The following CNTN4 variants were observed in gnomAD, a reference collection of about 807,000 sequenced individuals.
CNTN4 encodes contactin 4, also known as contactin-4.
In CNTN4, 77 loss-of-function variants were observed where a neutral mutation model predicts 122.5. The ratio of observed to expected loss-of-function variants is 0.63; its 90% CI spans 0.52 to 0.76. CNTN4 has a LOEUF of 0.76. Ranked by LOEUF, CNTN4 falls within the 30% of genes least tolerant of loss-of-function variation. The pLI, the probability that CNTN4 is intolerant of heterozygous loss-of-function variation, is 0.00. For synonymous variants in CNTN4, 512 were observed against 447.0 expected, an observed-to-expected ratio of 1.15 and a Z score of -1.83; for missense variants, 1,256 against 1,259.1, an observed-to-expected ratio of 1.00 and a Z score of 0.04.
At chr3:2,327,870 T>C (rs1447008618) in intron 2 of CNTN4, among the ~76,000 whole-genome samples, 1 of 152,160 alleles carries the variant, frequency 6.6e-6, no homozygotes, top group Non-Finnish European at 1.5e-5. Flanking sequence ...AAACATGGCA[T>C]CTTAGCATTT....
At chr3:2,115,825 A>C (rs140414398) in intron 2 of CNTN4, among the ~76,000 whole-genome samples, 2,474 of 152,340 alleles carry the variant, frequency 0.016, 35 homozygotes, top group Admixed American at 0.028. Flanking sequence ...CATAAGATCA[A>C]CACCTAAAAA....
chr3:2,172,033 G>A (rs560401008), intron 2 of CNTN4, among the ~76,000 whole-genome samples: 1 of 152,306 alleles, frequency 6.6e-6, no homozygotes, highest in South Asian at 2.1e-4. Flanking sequence ...TGATGGATCC[G>A]AATGTTTGAG....
chr3:2,891,664 C>T (rs1030476139), intron 10 of CNTN4, among the ~76,000 whole-genome samples: 5 of 152,228 alleles, frequency 3.3e-5, no homozygotes, highest in Admixed American at 3.3e-4. Context: ...ACTTGACTTT[C>T]TTGATATGCA....
intron 2 of CNTN4, chr3:2,110,709 G>C (rs986548017): frequency 6.7e-6 from 1 of 148,150 alleles, no homozygotes; most frequent in Non-Finnish European, 1.5e-5. Flanking sequence ...CTGTGAAGGG[G>C]CCTGTTTCTC....
chr3:2,359,791 G>A (rs780689619), intron 3 of CNTN4, among the ~76,000 whole-genome samples: 5 of 152,076 alleles, frequency 3.3e-5, no homozygotes, highest in Non-Finnish European at 7.4e-5. Flanking sequence ...CACCCGCCTC[G>A]GCCTCCCAAA....
intron 4 of CNTN4, among the ~76,000 whole-genome samples, chr3:2,581,492 G>A (rs1477342590): frequency 6.6e-6 from 1 of 152,126 alleles, no homozygotes; most frequent in African/African-American, 2.4e-5. Context: ...CATAAACAAA[G>A]CTGGACTCTA....
intron 6 of CNTN4, among the ~76,000 whole-genome samples, chr3:2,804,737 C>CTTTAGTTTTTTTGTTTTTT (rs1553643947): frequency 2.1e-5 from 3 of 144,880 alleles, no homozygotes; most frequent in Non-Finnish European, 3.0e-5. Context: ...ATTTTGAGCA[C>CTTTAGTTTTTTTGTTTTTT]TTTTTTTTTG....
chr3:2,882,952 A>G (rs1043799487), intron 8 of CNTN4, 193 bp from the exon 9 acceptor site: 14 of 537,244 alleles, frequency 2.6e-5, no homozygotes, highest in Admixed American at 8.2e-5. Context: ...TCTGCGACAC[A>G]AATTTTTCTG....
At chr3:2,882,347 CAG>C (rs1342640188) in intron 8 of CNTN4, among the ~76,000 whole-genome samples, 1 of 148,890 alleles carries the variant, frequency 6.7e-6, no homozygotes, top group African/African-American at 2.5e-5. Context: ...GCCTGGGTGA[CAG>C]AGCGAGACTT....
chr3:2,418,062 A>G (rs888294147), intron 3 of CNTN4, among the ~76,000 whole-genome samples: 3 of 152,220 alleles, frequency 2.0e-5, no homozygotes, highest in African/African-American at 7.2e-5. Context: ...TGATAGATAC[A>G]GATACATGTT....
chr3:2,713,826 C>G (rs538327649), intron 4 of CNTN4, among the ~76,000 whole-genome samples: 1 of 152,254 alleles, frequency 6.6e-6, no homozygotes, highest in African/African-American at 2.4e-5. Context: ...TCTCACAGAC[C>G]TGGATTTTTG....
At chr3:2,306,199 T>A (rs2042699145) in intron 2 of CNTN4, among the ~76,000 whole-genome samples, 1 of 152,172 alleles carries the variant, frequency 6.6e-6, no homozygotes, top group Admixed American at 6.5e-5. Flanking sequence ...TTTTGAAGAG[T>A]GATAAATGAA....
intron 2 of CNTN4, among the ~76,000 whole-genome samples, chr3:2,268,959 T>A (rs972987199): frequency 6.6e-6 from 1 of 152,064 alleles, no homozygotes; most frequent in South Asian, 2.1e-4. Flanking sequence ...CTAAATAGGT[T>A]TCTCTGCCGA....
intron 3 of CNTN4, among the ~76,000 whole-genome samples, chr3:2,384,988 T>C (rs1160658437): frequency 3.3e-5 from 5 of 152,154 alleles, no homozygotes; most frequent in Non-Finnish European, 5.9e-5. Context: ...AAAGTCATTG[T>C]TGGTTTTACT....
intron 4 of CNTN4, among the ~76,000 whole-genome samples, chr3:2,674,154 A>G (rs1187833942): frequency 6.6e-6 from 1 of 152,230 alleles, no homozygotes; most frequent in Non-Finnish European, 1.5e-5. Flanking sequence ...TGAAAGCAAT[A>G]GATAATTGAA....
At chr3:2,563,420 A>G (rs1260941858) in intron 3 of CNTN4, among the ~76,000 whole-genome samples, 1 of 152,212 alleles carries the variant, frequency 6.6e-6, no homozygotes, top group African/African-American at 2.4e-5. Context: ...TAAAGATTAT[A>G]TGAGTTAACA....
At chr3:2,445,787 T>C (rs2048603284) in intron 3 of CNTN4, among the ~76,000 whole-genome samples, 1 of 152,128 alleles carries the variant, frequency 6.6e-6, no homozygotes, top group East Asian at 1.9e-4. Flanking sequence ...AGGCGACATA[T>C]TTGATCGGAG....
At chr3:2,436,571 T>C (rs546768482) in intron 3 of CNTN4, among the ~76,000 whole-genome samples, 3 of 152,150 alleles carry the variant, frequency 2.0e-5, no homozygotes, top group Admixed American at 2.0e-4. Flanking sequence ...CCTTTGGTGT[T>C]GTGGATGTGG....
intron 3 of CNTN4, among the ~76,000 whole-genome samples, chr3:2,430,038 C>T (rs905974516): frequency 3.9e-5 from 6 of 152,148 alleles, no homozygotes; most frequent in Admixed American, 2.0e-4. Context: ...ATGCCTCGCT[C>T]TGCTTCAGCT....
Sources: gnomAD v4.1 joint callset for allele counts (sites outside exome capture counted in the v4.1 genomes callset) on GRCh38, gnomAD v4.1.1 for gene constraint, MANE v1.5 for transcripts, NCBI Gene and HGNC (gene_info 2026-07-23, HGNC 2026-07-21) for gene names.